Variants in MRPS9 observed in about 807,000 individuals in gnomAD.
The protein encoded by MRPS9 is mitochondrial ribosomal protein S9, also known as small ribosomal subunit protein uS9m.
In MRPS9, 45 loss-of-function variants were observed where a neutral mutation model predicts 59.9. That is an observed-to-expected ratio of 0.75 (90% CI 0.59 to 0.96). The LOEUF is 0.96. Ranked by LOEUF, MRPS9 falls within the 40% of genes least tolerant of loss-of-function variation. MRPS9 has a pLI of 0.00. For synonymous variants in MRPS9, 171 were observed against 166.8 expected (o/e 1.03, Z -0.19); for missense variants, 473 against 481.1 (o/e 0.98, Z 0.16).
At chr2:105,071,270 G>T in intron 2 of MRPS9, 43 bp from the exon 3 acceptor site, 4 of 1,522,882 alleles carry the variant, frequency 2.6e-6, no homozygotes, top group Non-Finnish European at 3.6e-6. Context: ...TTCTAACCTT[G>T]TTTATATAAC....
At chr2:105,082,100 TG>T (rs1680358222) in intron 5 of MRPS9, among the ~76,000 whole-genome samples, 1 of 152,204 alleles carries the variant, frequency 6.6e-6, no homozygotes, top group South Asian at 2.1e-4. Flanking sequence ...GCCTTGGTGG[TG>T]GGGGGAACCG....
At chr2:105,098,012 G>A (rs983210239) in intron 10 of MRPS9, among the ~76,000 whole-genome samples, 1 of 152,172 alleles carries the variant, frequency 6.6e-6, no homozygotes, top group African/African-American at 2.4e-5. Context: ...ATAGAAATTT[G>A]TAATAATTAT....
Position 105,056,584 on chromosome 2 carries a change from A to T in MRPS9, c.315+7234A>T, listed in dbSNP as rs76332889. ...ACTAAAAGCCATTGGACTCTGAATG[A>T]GGCCCTACGTGCCCCTCCTAGTAAG... is the stretch of plus-strand genomic sequence containing the variant. On this transcript the variant is annotated intron_variant, in intron 2 of 10. Transcript: ENST00000258455. Among the ~76,000 whole-genome samples, 602 of 152,368 alleles carry T rather than the reference A, an allele frequency of 4.0e-3. 5 individuals carry two copies. The highest frequency in any genetic ancestry group is 0.014 in the African/African-American group (571 of 41,592).
rs139572365 is a variant in MRPS9, at chr2:105,072,980, T to C, written c.409+1491T>C. Among the ~76,000 whole-genome samples the C allele has an allele frequency of 2.7e-3, 414 of 152,328 alleles. 4 individuals are homozygous for C. The highest frequency in any genetic ancestry group is 9.7e-3 in the African/African-American group (404 of 41,584). On this transcript the variant is annotated intron_variant, in intron 4 of 10. Transcript: ENST00000258455. Reference sequence around the variant, plus strand: ...TAATAAATGAAGACTATGTTAAAAATGCACATCACTTTTGCAGATACAACT... The same window carrying C: ...TAATAAATGAAGACTATGTTAAAAACGCACATCACTTTTGCAGATACAACT...
intron 2 of MRPS9, among the ~76,000 whole-genome samples, chr2:105,068,393 G>A (rs1478019574): frequency 6.6e-6 from 1 of 151,934 alleles, no homozygotes; most frequent in African/African-American, 2.4e-5. Context: ...CAGAATTATA[G>A]TATCAGTGTT....
rs552248487 is a variant in MRPS9, at chr2:105,067,039, G to C, written c.316-4274G>C. ...TTTGCCACATTTTCTTTATCGCTTT[G>C]TATATGTAAAACATTTTTTATTGAT... On this transcript the variant is annotated intron_variant, in intron 2 of 10. Transcript: ENST00000258455. Among the ~76,000 whole-genome samples, 102 of 152,118 alleles carry C rather than the reference G, an allele frequency of 6.7e-4. 3 individuals carry two copies. In the South Asian group the frequency reaches 0.021, roughly 31 times the overall value.
chr2:105,091,180 C>A, intron 7 of MRPS9: 1 of 416,868 alleles, frequency 2.4e-6, no homozygotes, highest in Non-Finnish European at 5.0e-6. Context: ...ATATATGATA[C>A]TTTGTACTTT....
rs1443371130 is a variant in MRPS9, at chr2:105,061,397, A to T, written c.316-9916A>T. On this transcript the variant is annotated intron_variant, in intron 2 of 10. Transcript: ENST00000258455. The stretch of plus-strand genomic sequence containing the variant: ...AGCTGGAAAGCTGTTGTGCTCCCTG[A>T]GTGGGCCTTGCTGCTGCTACAGGGG... Among the ~76,000 whole-genome samples the T allele has an allele frequency of 2.6e-5, 4 of 152,146 alleles. No homozygotes were observed. In the East Asian group the frequency reaches 7.7e-4, roughly 29 times the overall value.
Position 105,097,233 on chromosome 2 carries a change from G to A in MRPS9, c.1008G>A (p.Gly336=). 1.2e-6 allele frequency: 2 copies of A among 1,613,254 alleles called. No individual in the cohort carries two copies. The highest frequency in any genetic ancestry group is 1.7e-6 in the Non-Finnish European group (2 of 1,179,662). Residue 336 remains glycine, a synonymous_variant, in exon 10 of 11, where the codon GGG becomes GGA. Coordinates refer to ENST00000258455, the MANE Select transcript of MRPS9 (RefSeq NM_182640.3). ...HDVTCTVSGG[G]RSAQAGAIRL... is the part of the protein sequence containing the mutation. ...TGACCTGCACAGTCTCAGGGGGCGG[G>A]AGGTCAGCGCAGGCTGGAGCAATAC... is the stretch of plus-strand genomic sequence containing the variant.
At chr2:105,049,987 CATTCTT>C (rs1171519997) in intron 2 of MRPS9, among the ~76,000 whole-genome samples, 3 of 152,094 alleles carry the variant, frequency 2.0e-5, no homozygotes, top group Non-Finnish European at 2.9e-5. Context: ...TAGATAATAA[CATTCTT>C]ATACGATTTT....
At chr2:105,053,586 G>A (rs7586330) in intron 2 of MRPS9, among the ~76,000 whole-genome samples, 33,501 of 151,950 alleles carry the variant, frequency 0.22, 3,741 homozygotes, top group Middle Eastern at 0.35. Context: ...TCTAGAATAC[G>A]TTTTTAATAG....
chr2:105,074,575 G>GT (rs1680172211), intron 4 of MRPS9, among the ~76,000 whole-genome samples: 2 of 152,148 alleles, frequency 1.3e-5, no homozygotes, highest in Admixed American at 1.3e-4. Flanking sequence ...TTCACAACAG[G>GT]TTTTTTAAGT....
At chr2:105,059,808 T>C (rs1679861921) in intron 2 of MRPS9, among the ~76,000 whole-genome samples, 1 of 152,082 alleles carries the variant, frequency 6.6e-6, no homozygotes, top group South Asian at 2.1e-4. Context: ...GGCACTTTTT[T>C]TCTAGTGCCT....
In MRPS9 at chr2:105,049,339, G is replaced by T. The variant is rs1679667149; in HGVS notation, c.304G>T (p.Glu102Ter). 6.2e-7 allele frequency: 1 copy of T among 1,610,238 alleles called. No homozygotes were observed. The highest frequency in any genetic ancestry group is 1.1e-5 in the South Asian group (1 of 90,236). The part of the protein sequence containing the change: ...MGEDPETFTQ[E>*]DIDRAIAYLF... ...AGAAGATCCAGAAACTTTCACTCAA[G>T]AAGATATTGACGTAAGTACAGTTAC... is the stretch of plus-strand genomic sequence containing the variant. Residue 102 changes from glutamate (E) to a stop codon, truncating the protein, a stop_gained, in exon 2 of 11, where the codon GAA becomes TAA. Coordinates refer to ENST00000258455, the MANE Select transcript of MRPS9 (RefSeq NM_182640.3). LOFTEE classifies it high-confidence loss of function.
At chr2:105,050,086 G>A (rs1679681915) in intron 2 of MRPS9, among the ~76,000 whole-genome samples, 1 of 151,952 alleles carries the variant, frequency 6.6e-6, no homozygotes, top group African/African-American at 2.4e-5. Context: ...TGGTACTGTA[G>A]TATCACTTTC....
intron 1 of MRPS9, among the ~76,000 whole-genome samples, chr2:105,043,048 T>A (rs1679528212): frequency 6.6e-6 from 1 of 151,952 alleles, no homozygotes; most frequent in African/African-American, 2.4e-5. Context: ...AACATAAAGG[T>A]TTTTTTAAAA....
At position 105,097,234 on chromosome 2, in the gene MRPS9, A is replaced by C; in HGVS notation, c.1009A>C (p.Arg337=). The C allele has an allele frequency of 6.2e-7, 1 of 1,612,998 alleles. No individual in the cohort carries two copies. The highest frequency in any genetic ancestry group is 8.5e-7 in the Non-Finnish European group (1 of 1,179,574). The change falls in exon 10 of 11, where the codon AGG becomes CGG. Residue 337 remains arginine, a synonymous_variant. Transcript: ENST00000258455. ...GACCTGCACAGTCTCAGGGGGCGGG[A>C]GGTCAGCGCAGGCTGGAGCAATACG... ...DVTCTVSGGG[R]SAQAGAIRLA... is the part of the protein sequence containing the mutation.
In MRPS9 at chr2:105,097,179, C is replaced by T. The variant is rs772555118; in HGVS notation, c.954C>T (p.His318=). 2 of 1,589,328 alleles carry T rather than the reference C, an allele frequency of 1.3e-6. No homozygotes were observed. The highest frequency in any genetic ancestry group is 2.3e-5 in the East Asian group (1 of 43,288). ...GAGAACAGCTGATGTTCCCTTTCCACTTTGTTGACCGGCTGGGAAAGCACG... is the reference window on the plus strand; with the variant it reads ...GAGAACAGCTGATGTTCCCTTTCCATTTTGTTGACCGGCTGGGAAAGCACG... ...QDREQLMFPF[H]FVDRLGKHDV... Residue 318 remains histidine (H), a synonymous_variant, in exon 10 of 11, where the codon CAC becomes CAT. Transcript: ENST00000258455.
chr2:105,064,298 G>C (rs1472745091), intron 2 of MRPS9, among the ~76,000 whole-genome samples: 2 of 152,044 alleles, frequency 1.3e-5, no homozygotes, highest in Non-Finnish European at 2.9e-5. Context: ...ACAGGGTTTG[G>C]AAAAAGCCCT....
Sources: allele counts gnomAD v4.1 joint callset (sites outside exome capture counted in the v4.1 genomes callset), GRCh38; gene constraint gnomAD v4.1.1; transcripts MANE v1.5; gene names NCBI Gene and HGNC (gene_info 2026-07-23, HGNC 2026-07-21).